SMURF2: variants seen among roughly 807,000 people sequenced by gnomAD.
SMURF2 encodes SMAD specific E3 ubiquitin protein ligase 2.
Under a neutral mutation model 109.6 loss-of-function variants are expected in SMURF2, and 48 were observed. That is an observed-to-expected ratio of 0.44 (90% CI 0.35 to 0.56). SMURF2 has a LOEUF of 0.56. Ranked by LOEUF, SMURF2 falls within the 20% of genes least tolerant of loss-of-function variation. The pLI is 0.01. For missense variants in SMURF2, 575 were observed against 909.0 expected (o/e 0.63, Z 4.72); for synonymous variants, 288 against 317.1 (o/e 0.91, Z 0.97).
chr17:64,603,399 T>C (rs573981592), intron 2 of SMURF2, among the ~76,000 whole-genome samples: 26 of 151,992 alleles, frequency 1.7e-4, no homozygotes, highest in African/African-American at 6.3e-4. Flanking sequence ...CTGGCCAACA[T>C]GGTGAAACCC....
chr17:64,617,402 C>T (rs562023655), intron 1 of SMURF2, among the ~76,000 whole-genome samples: 3 of 152,256 alleles, frequency 2.0e-5, no homozygotes, highest in African/African-American at 7.2e-5. Flanking sequence ...TTAAAAGATA[C>T]AGGTTCTGAG....
intron 1 of SMURF2, among the ~76,000 whole-genome samples, chr17:64,625,652 T>C (rs193227331): frequency 6.6e-6 from 1 of 152,296 alleles, no homozygotes; most frequent in Admixed American, 6.5e-5. Context: ...CTTTAGCACG[T>C]ATCTTATCTC....
intron 2 of SMURF2, among the ~76,000 whole-genome samples, chr17:64,605,232 A>C (rs1248502131): frequency 6.6e-6 from 1 of 152,172 alleles, no homozygotes; most frequent in African/African-American, 2.4e-5. Flanking sequence ...CACATGGTAC[A>C]TAAATTTAAA....
rs1968894267 is a variant in SMURF2, at chr17:64,542,879, C to T, written c.*2969G>A. The T allele has an allele frequency of 6.6e-6, 1 of 152,194 alleles. No homozygotes were observed. Among genetic ancestry groups the T allele is most frequent in the Non-Finnish European group, 1.5e-5 (1 of 68,040 alleles). The allele number at this position is 152,194 out of a possible 1,614,324, so 9.4% of individuals were successfully genotyped here. On this transcript the variant is annotated 3_prime_UTR_variant, in exon 19 of 19. Coordinates refer to ENST00000262435, the MANE Select transcript of SMURF2 (RefSeq NM_022739.4). ...TGTGCAAAACAAAATGTACACTATA[C>T]ACTATACACTATGCACTATTTAAAA...
chr17:64,572,118 C>G (rs1969406847), intron 9 of SMURF2, among the ~76,000 whole-genome samples, 162 bp from the exon 10 acceptor site: 2 of 152,216 alleles, frequency 1.3e-5, no homozygotes, highest in South Asian at 4.1e-4. Flanking sequence ...GTTTAACAAA[C>G]TTTCATCTTC....
chr17:64,598,626 C>A (rs1196296477), intron 2 of SMURF2, 136 bp from the exon 3 acceptor site: 7 of 603,546 alleles, frequency 1.2e-5, no homozygotes, highest in Non-Finnish European at 1.8e-5. Context: ...ATGAATAGTC[C>A]ATTTTTTAAA....
At position 64,547,565 on chromosome 17, in the gene SMURF2, C is replaced by G. The variant is rs782506272; in HGVS notation, c.2071+35G>C. The G allele has an allele frequency of 1.2e-5, 20 of 1,602,518 alleles. No homozygotes were observed. Among genetic ancestry groups the G allele is most frequent in the Non-Finnish European group, 1.7e-5 (20 of 1,169,868 alleles). On this transcript the variant is annotated intron_variant, in intron 17 of 18. Transcript: ENST00000262435. The surrounding 1 kb of genome is among the most constrained non-coding windows in gnomAD (Gnocchi z 4.2). ...CCCACGCTGACAGCCCCGCCCCCAC[C>G]CGCTGCCCAGCTTGCCTGCACCTCA...
rs782496140 is a variant in SMURF2 at position 64,571,954 on chromosome 17, T to G, written c.860A>C (p.Asp287Ala). 6 of 1,604,254 alleles carry G rather than the reference T, an allele frequency of 3.7e-6. No homozygotes were observed. Among genetic ancestry groups the G allele is most frequent in the Non-Finnish European group, 5.1e-6 (6 of 1,176,390 alleles). The change falls in exon 10 of 19, where the codon GAT becomes GCT. Residue 287 changes from aspartate to alanine, a missense_variant and splice_region_variant. Around this residue, in one of 5 missense-constraint regions of SMURF2, gnomAD observed 361 missense variants for 612.1 expected, o/e 0.59. Transcript: ENST00000262435. ...CTCTTCACAATTGATGTTGCTAAGA[T>G]CCCTGCAAAAACAAATATAAAATAA... is the stretch of plus-strand genomic sequence containing the variant. The part of the protein sequence containing the change: ...STWHDPRVPR[D>A]LSNINCEELG...
rs1247136035 is a variant in SMURF2, at chr17:64,543,266, ATTTC to A, written c.*2578_*2581del. The A allele has an allele frequency of 1.4e-5, 2 of 146,222 alleles. No individual in the cohort carries two copies. The highest frequency in any genetic ancestry group is 5.3e-5 in the African/African-American group (2 of 37,760). The allele number at this position is 146,222 out of a possible 1,614,324, so 9.1% of individuals were successfully genotyped here. A position where few individuals can be genotyped will look rare whatever the true frequency, so the allele number is the denominator to read the frequency against. On this transcript the variant is annotated 3_prime_UTR_variant, in exon 19 of 19. Coordinates refer to ENST00000262435, the MANE Select transcript of SMURF2 (RefSeq NM_022739.4). ...ATAACATAGACTGTTATGGAGAGTAATTTCTTTTTTTTTTTTTTTTGGGCGGGGA... is the reference window on the plus strand; with the variant it reads ...ATAACATAGACTGTTATGGAGAGTAATTTTTTTTTTTTTTTTGGGCGGGGA...
At chr17:64,573,767 T>C (rs1278512617) in intron 9 of SMURF2, among the ~76,000 whole-genome samples, 1 of 151,858 alleles carries the variant, frequency 6.6e-6, no homozygotes, top group African/African-American at 2.4e-5. Flanking sequence ...CCTCCCAAAG[T>C]GCTGGGATTA....
intron 1 of SMURF2, among the ~76,000 whole-genome samples, chr17:64,652,495 T>C (rs537229536): frequency 1.3e-5 from 2 of 152,310 alleles, no homozygotes; most frequent in East Asian, 3.9e-4. Flanking sequence ...ATTTGTTTGT[T>C]TGTTTGTTTT....
chr17:64,604,671 C>A (rs1461677579), intron 2 of SMURF2, among the ~76,000 whole-genome samples: 1 of 152,014 alleles, frequency 6.6e-6, no homozygotes. Context: ...CTCAGCCGGG[C>A]GCGATGGTTC....
At chr17:64,638,695 C>T (rs1970454343) in intron 1 of SMURF2, among the ~76,000 whole-genome samples, 1 of 152,220 alleles carries the variant, frequency 6.6e-6, no homozygotes, top group South Asian at 2.1e-4. Flanking sequence ...CCTCTACTAA[C>T]CACACACTTT....
intron 1 of SMURF2, among the ~76,000 whole-genome samples, chr17:64,655,774 A>G (rs1970697558): frequency 6.6e-6 from 1 of 152,114 alleles, no homozygotes; most frequent in Admixed American, 6.5e-5. Context: ...ATGCACCTGT[A>G]ATCCCAGCTA....
chr17:64,605,655 T>C (rs1044872854), intron 2 of SMURF2, among the ~76,000 whole-genome samples: 5 of 149,684 alleles, frequency 3.3e-5, no homozygotes, highest in African/African-American at 9.8e-5. Context: ...GAGGATCCCT[T>C]GAGCCCAGGA....
intron 10 of SMURF2, among the ~76,000 whole-genome samples, chr17:64,566,617 G>A (rs143194671): frequency 0.015 from 1,633 of 108,030 alleles, 39 homozygotes; most frequent in African/African-American, 0.051. Context: ...TGTTGCCCAG[G>A]CTGGAGTGCA....
At chr17:64,605,773 A>ATATATATC (rs1268912427) in intron 2 of SMURF2, among the ~76,000 whole-genome samples, 4 of 138,540 alleles carry the variant, frequency 2.9e-5, no homozygotes, top group Non-Finnish European at 4.6e-5. Context: ...ATATATATAT[A>ATATATATC]TATCTTATTT....
At chr17:64,607,019 A>G (rs782801457) in intron 1 of SMURF2, among the ~76,000 whole-genome samples, 1 of 151,988 alleles carries the variant, frequency 6.6e-6, no homozygotes, top group Admixed American at 6.6e-5. Context: ...TTTTATACTG[A>G]AGAGGATCAC....
chr17:64,646,254 C>T (rs1489004446), intron 1 of SMURF2, among the ~76,000 whole-genome samples: 2 of 151,634 alleles, frequency 1.3e-5, no homozygotes, highest in African/African-American at 4.8e-5. Flanking sequence ...TTGGTAGAGA[C>T]AGAGTTTCAC....
Sources: gnomAD v4.1 joint callset for allele counts (sites outside exome capture counted in the v4.1 genomes callset) on GRCh38, gnomAD v4.1.1 for gene constraint, gnomAD v4.1.1 regional missense constraint, Gnocchi (gnomAD v3.1) non-coding constraint, MANE v1.5 for transcripts, NCBI Gene and HGNC (gene_info 2026-07-23, HGNC 2026-07-21) for gene names.